Variants in MBD5 observed in about 807,000 individuals in gnomAD.
MBD5 encodes methyl-CpG binding domain protein 5, also known as methyl-CpG-binding domain protein 5.
Under a neutral mutation model 117.3 loss-of-function variants are expected in MBD5, and 13 were observed. The ratio of observed to expected loss-of-function variants is 0.11; its 90% CI spans 0.07 to 0.18. The LOEUF is 0.18. MBD5 is among the 10% of genes least tolerant of loss of function. The pLI is 1.00. For synonymous variants in MBD5, 727 were observed against 766.4 expected, an observed-to-expected ratio of 0.95 and a Z score of 0.85; for missense variants, 1,879 against 2,093.8, an observed-to-expected ratio of 0.90 and a Z score of 2.00.
chr2:148,099,671 C>T (rs1475996158), intron 1 of MBD5, among the ~76,000 whole-genome samples: 2 of 152,102 alleles, frequency 1.3e-5, no homozygotes, highest in African/African-American at 4.8e-5. Context: ...GAATGTTTTA[C>T]CACTGAAATT....
At chr2:148,317,371 A>G (rs1043132581) in intron 3 of MBD5, among the ~76,000 whole-genome samples, 2 of 151,056 alleles carry the variant, frequency 1.3e-5, no homozygotes, top group African/African-American at 2.4e-5. Flanking sequence ...CTCCGCCTCA[A>G]AAAAAAAAAT....
At chr2:148,237,994 A>G (rs1467904522) in intron 3 of MBD5, among the ~76,000 whole-genome samples, 2 of 152,220 alleles carry the variant, frequency 1.3e-5, no homozygotes, top group African/African-American at 4.8e-5. Flanking sequence ...AATATAAGTA[A>G]TAAGCTTAGG....
chr2:148,508,200 A>G (rs568535697), intron 12 of MBD5, among the ~76,000 whole-genome samples: 21 of 152,292 alleles, frequency 1.4e-4, no homozygotes, highest in Non-Finnish European at 2.5e-4. Context: ...TCATTAGGAA[A>G]ACAACTGAGA....
intron 2 of MBD5, among the ~76,000 whole-genome samples, chr2:148,227,339 C>T (rs1455160223): frequency 6.6e-6 from 1 of 152,164 alleles, no homozygotes; most frequent in Admixed American, 6.5e-5. Context: ...TATGGCTAGC[C>T]AGTTTTCCCA....
chr2:148,511,858 G>A (rs1174632819), intron 13 of MBD5, among the ~76,000 whole-genome samples: 4 of 152,142 alleles, frequency 2.6e-5, no homozygotes, highest in African/African-American at 4.8e-5. Flanking sequence ...CTGCATTTGA[G>A]TCTGGATAGC....
intron 3 of MBD5, among the ~76,000 whole-genome samples, chr2:148,300,817 T>C (rs1701763327): frequency 6.6e-6 from 1 of 152,170 alleles, no homozygotes; most frequent in Non-Finnish European, 1.5e-5. Flanking sequence ...GACTACAGAC[T>C]CCATTTCTGG....
At chr2:148,252,923 A>G (rs1433743971) in intron 3 of MBD5, among the ~76,000 whole-genome samples, 2 of 152,186 alleles carry the variant, frequency 1.3e-5, no homozygotes, top group Non-Finnish European at 2.9e-5. Context: ...TACCCACATC[A>G]TCATGGCATT....
intron 2 of MBD5, among the ~76,000 whole-genome samples, chr2:148,195,241 A>G (rs1047488183): frequency 5.9e-5 from 9 of 152,176 alleles, no homozygotes; most frequent in African/African-American, 2.2e-4. Flanking sequence ...TGCAAACACT[A>G]ATAATCAGAA....
intron 3 of MBD5, among the ~76,000 whole-genome samples, chr2:148,329,396 C>T (rs946161503): frequency 6.6e-6 from 1 of 152,076 alleles, no homozygotes; most frequent in Non-Finnish European, 1.5e-5. Context: ...AATTTTTATT[C>T]TGACTTCAAA....
At chr2:148,394,843 A>C (rs1295731149) in intron 4 of MBD5, among the ~76,000 whole-genome samples, 2 of 152,110 alleles carry the variant, frequency 1.3e-5, no homozygotes, top group Non-Finnish European at 2.9e-5. Context: ...CATGATGAAT[A>C]TATTATTGAT....
chr2:148,087,433 A>G (rs763380496), intron 1 of MBD5, among the ~76,000 whole-genome samples: 3 of 152,176 alleles, frequency 2.0e-5, no homozygotes, highest in Non-Finnish European at 4.4e-5. Context: ...CTAGCACACT[A>G]AACACTTCTA....
At chr2:148,280,169 AAAAAATTAACCAT>A (rs1357185761) in intron 3 of MBD5, among the ~76,000 whole-genome samples, 13 of 151,760 alleles carry the variant, frequency 8.6e-5, no homozygotes, top group African/African-American at 3.1e-4. Context: ...AAAAACAGAA[AAAAAATTAACCAT>A]AAATTTTAAT....
At chr2:148,380,754 T>C (rs538681905) in intron 4 of MBD5, among the ~76,000 whole-genome samples, 2 of 152,214 alleles carry the variant, frequency 1.3e-5, no homozygotes, top group African/African-American at 2.4e-5. Flanking sequence ...CACAGCCGGG[T>C]ACTCCTCTGA....
intron 2 of MBD5, among the ~76,000 whole-genome samples, chr2:148,195,617 A>G (rs906664078): frequency 3.9e-5 from 6 of 152,214 alleles, no homozygotes; most frequent in Non-Finnish European, 5.9e-5. Context: ...TTCACTGTGT[A>G]TAGAACATTA....
intron 1 of MBD5, among the ~76,000 whole-genome samples, chr2:148,170,204 C>A (rs949073068): frequency 6.6e-6 from 1 of 152,148 alleles, no homozygotes; most frequent in African/African-American, 2.4e-5. Flanking sequence ...GCCCGGGATT[C>A]TTCTTTTCTT....
At chr2:148,079,451 T>C (rs1474932442) in intron 1 of MBD5, among the ~76,000 whole-genome samples, 1 of 152,096 alleles carries the variant, frequency 6.6e-6, no homozygotes, top group African/African-American at 2.4e-5. Flanking sequence ...CTAGTGAGCA[T>C]ATAGAGAAAA....
intron 1 of MBD5, among the ~76,000 whole-genome samples, chr2:148,151,138 G>C (rs937589837): frequency 6.6e-6 from 1 of 150,640 alleles, no homozygotes; most frequent in Non-Finnish European, 1.5e-5. Flanking sequence ...TTTATTGAGA[G>C]TTTTTAGCAT....
chr2:148,209,790 G>A (rs140210670), intron 2 of MBD5, among the ~76,000 whole-genome samples: 72 of 152,030 alleles, frequency 4.7e-4, no homozygotes, highest in Admixed American at 3.3e-4. Context: ...AGCAAGGGGC[G>A]GGGGGAGGTG....
chr2:148,354,857 G>A (rs1447891129), intron 4 of MBD5, among the ~76,000 whole-genome samples: 1 of 151,826 alleles, frequency 6.6e-6, no homozygotes, highest in Non-Finnish European at 1.5e-5. Context: ...GCATTTCTCT[G>A]TAAGCTTTTT....
Sources: allele counts gnomAD v4.1 joint callset (sites outside exome capture counted in the v4.1 genomes callset), GRCh38; gene constraint gnomAD v4.1.1; transcripts MANE v1.5; gene names NCBI Gene and HGNC (gene_info 2026-07-23, HGNC 2026-07-21).